The following WWOX variants were observed in gnomAD, a reference collection of about 807,000 sequenced individuals.
WWOX encodes the protein WW domain containing oxidoreductase, also known as WW domain-containing oxidoreductase.
In WWOX, 69 loss-of-function variants were observed where a neutral mutation model predicts 46.2. The ratio of observed to expected loss-of-function variants is 1.49; its 90% CI spans 1.23 to 1.82. The LOEUF (loss-of-function observed/expected upper bound fraction) is 1.82. Among genes scored for constraint, WWOX ranks in the 40% most tolerant of loss-of-function variants. WWOX has a pLI of 0.00. For missense variants in WWOX, 919 were observed against 542.6 expected, an observed-to-expected ratio of 1.69 and a Z score of -6.89; for synonymous variants, 359 against 202.6, an observed-to-expected ratio of 1.77 and a Z score of -6.56.
intron 5 of WWOX, among the ~76,000 whole-genome samples, chr16:78,281,489 G>C (rs993970932): frequency 4.6e-5 from 7 of 152,164 alleles, no homozygotes; most frequent in African/African-American, 1.7e-4. Flanking sequence ...ATTACTGGCT[G>C]ACAAAATGCG....
chr16:78,497,704 A>C (rs1219933655), intron 8 of WWOX, among the ~76,000 whole-genome samples: 1 of 152,186 alleles, frequency 6.6e-6, no homozygotes, highest in East Asian at 1.9e-4. Flanking sequence ...ACTCTTCATG[A>C]TTGGATTTCC....
At chr16:78,739,204 A>G (rs16948413) in intron 8 of WWOX, among the ~76,000 whole-genome samples, 36,900 of 152,068 alleles carry the variant, frequency 0.24, 7,412 homozygotes, top group African/African-American at 0.56. Flanking sequence ...GTACCCGGCT[A>G]AAATTGTGTT....
intron 1 of WWOX, among the ~76,000 whole-genome samples, chr16:78,106,411 G>GTTTTTTT (rs998219778): frequency 3.7e-4 from 46 of 123,722 alleles, no homozygotes; most frequent in Non-Finnish European, 4.9e-4. Flanking sequence ...AGTCAGAACG[G>GTTTTTTT]TTTTTTTTTG....
chr16:78,910,809 C>T (rs540873804), intron 8 of WWOX, among the ~76,000 whole-genome samples: 2 of 151,846 alleles, frequency 1.3e-5, no homozygotes, highest in African/African-American at 4.8e-5. Context: ...ATTCAGTTAC[C>T]TCTCACCGGG....
intron 8 of WWOX, among the ~76,000 whole-genome samples, chr16:79,026,934 G>A (rs557040703): frequency 2.6e-5 from 4 of 151,402 alleles, no homozygotes; most frequent in South Asian, 4.2e-4. Flanking sequence ...TGGGCGGCAC[G>A]TGGTAGACTC....
chr16:78,779,823 A>C (rs1477411), intron 8 of WWOX, among the ~76,000 whole-genome samples: 1 of 151,912 alleles, frequency 6.6e-6, no homozygotes, highest in Admixed American at 6.6e-5. Context: ...TCTGGCCCCA[A>C]GGAAGGAAAG....
At chr16:78,921,602 GGA>G (rs1180100587) in intron 8 of WWOX, among the ~76,000 whole-genome samples, 1 of 152,186 alleles carries the variant, frequency 6.6e-6, no homozygotes, top group Non-Finnish European at 1.5e-5. Context: ...TGAGGAAACT[GGA>G]GCTCAGGGAG....
chr16:78,967,642 C>G (rs141644986), intron 8 of WWOX, among the ~76,000 whole-genome samples: 1 of 151,828 alleles, frequency 6.6e-6, no homozygotes, highest in Admixed American at 6.6e-5. Flanking sequence ...CAGGAAACAG[C>G]CAAGACTGGT....
At chr16:78,435,111 C>T (rs1394699742) in intron 8 of WWOX, among the ~76,000 whole-genome samples, 1 of 152,074 alleles carries the variant, frequency 6.6e-6, no homozygotes, top group Non-Finnish European at 1.5e-5. Flanking sequence ...GGAGTGTTAG[C>T]TGTTTTGGGA....
intron 8 of WWOX, among the ~76,000 whole-genome samples, chr16:78,498,204 CA>C (rs530261157): frequency 0.063 from 1,236 of 19,546 alleles, 20 homozygotes; most frequent in African/African-American, 0.12. Flanking sequence ...GACTCCATCT[CA>C]AAAAAAAAAA....
intron 8 of WWOX, among the ~76,000 whole-genome samples, chr16:78,942,313 GT>G (rs1164665705): frequency 1.3e-5 from 2 of 152,240 alleles, no homozygotes; most frequent in East Asian, 3.9e-4. Context: ...TTTGTAAGGG[GT>G]TAAAAGTCAT....
At chr16:78,549,758 G>A (rs1428391536) in intron 8 of WWOX, among the ~76,000 whole-genome samples, 1 of 152,174 alleles carries the variant, frequency 6.6e-6, no homozygotes, top group African/African-American at 2.4e-5. Context: ...GTTTAGATAT[G>A]AAGCCTAAGG....
At chr16:78,551,304 C>G (rs1198319422) in intron 8 of WWOX, 1 of 152,094 alleles carries the variant, frequency 6.6e-6, no homozygotes, top group Admixed American at 6.5e-5. Flanking sequence ...ATCTCGTCTT[C>G]CAAACTTTTG....
chr16:78,490,618 A>G (rs1768390753), intron 8 of WWOX, among the ~76,000 whole-genome samples: 1 of 152,162 alleles, frequency 6.6e-6, no homozygotes, highest in African/African-American at 2.4e-5. Context: ...AAATGAAACA[A>G]ACGATCCTCT....
intron 8 of WWOX, among the ~76,000 whole-genome samples, chr16:78,593,914 C>G (rs2045413031): frequency 6.6e-6 from 1 of 152,142 alleles, no homozygotes. Flanking sequence ...CCTTCTTTAG[C>G]AATTGGAGTT....
intron 6 of WWOX, among the ~76,000 whole-genome samples, chr16:78,408,607 GC>G (rs2082603102): frequency 6.6e-6 from 1 of 152,190 alleles, no homozygotes; most frequent in Non-Finnish European, 1.5e-5. Context: ...GTCCTACGTA[GC>G]TATCTATTGG....
chr16:78,980,778 G>C (rs986370460), intron 8 of WWOX, among the ~76,000 whole-genome samples: 1 of 152,112 alleles, frequency 6.6e-6, no homozygotes, highest in Non-Finnish European at 1.5e-5. Context: ...GTATTTTGCA[G>C]GGCTTATTTT....
chr16:78,702,124 T>TA (rs777394763), intron 8 of WWOX, among the ~76,000 whole-genome samples: 11,269 of 105,298 alleles, frequency 0.11, 785 homozygotes, highest in South Asian at 0.2. Flanking sequence ...ATATATATAT[T>TA]TATTTATTTT....
At chr16:79,052,517 G>C (rs2048187802) in intron 8 of WWOX, among the ~76,000 whole-genome samples, 1 of 152,194 alleles carries the variant, frequency 6.6e-6, no homozygotes, top group Admixed American at 6.5e-5. Flanking sequence ...CAATAGCAAA[G>C]ACTTGGAACC....
Sources: gnomAD v4.1 joint callset for allele counts (sites outside exome capture counted in the v4.1 genomes callset) on GRCh38, gnomAD v4.1.1 for gene constraint, MANE v1.5 for transcripts, NCBI Gene and HGNC (gene_info 2026-07-23, HGNC 2026-07-21) for gene names.